Variants in LGI1 observed in about 807,000 individuals in gnomAD.
The protein encoded by LGI1 is leucine rich glioma inactivated 1.
In LGI1, 11 loss-of-function variants were observed where a neutral mutation model predicts 57.7. That is an observed-to-expected ratio of 0.19 (90% CI 0.12 to 0.32). LGI1 has a LOEUF of 0.32. Among genes scored for constraint, LGI1 ranks in the 10% least tolerant of loss-of-function variants. The pLI is 1.00. For synonymous variants in LGI1, 222 were observed against 241.9 expected (o/e 0.92, Z 0.76); for missense variants, 422 against 661.9 (o/e 0.64, Z 3.98).
At chr10:93,765,873 G>A (rs148242705) in intron 2 of LGI1, among the ~76,000 whole-genome samples, 3,542 of 151,450 alleles carry the variant, frequency 0.023, 138 homozygotes, top group African/African-American at 0.08. Context: ...GGGAGGCTGA[G>A]GCAGGAGAAT....
In LGI1 at chr10:93,758,199, A is replaced by G. The variant is rs2059584229; in HGVS notation, c.55A>G (p.Ile19Val). 1.2e-6 allele frequency: 2 copies of G among 1,614,202 alleles called. No individual in the cohort carries two copies. Among genetic ancestry groups the G allele is most frequent in the Non-Finnish European group, 1.7e-6 (2 of 1,180,016 alleles). ...MGNACIPLKR[I>V]AYFLCLLSAL... ...AAATGCCTGCATTCCCCTGAAAAGAATTGCTTATTTCCTATGTCTCTTATC... is the reference window on the plus strand; with the variant it reads ...AAATGCCTGCATTCCCCTGAAAAGAGTTGCTTATTTCCTATGTCTCTTATC... The change falls in exon 1 of 8, where the codon ATT becomes GTT. Residue 19 changes from isoleucine to valine, a missense_variant. Physicochemically the swap from Ile to Val is conservative, Grantham distance 29 (BLOSUM62 3). Coordinates refer to ENST00000371418, the MANE Select transcript of LGI1 (RefSeq NM_005097.4). This position sits in a 1 kb window ranked among gnomAD's most constrained non-coding sequence, Gnocchi z 4.7.
intron 7 of LGI1, chr10:93,794,019 C>CTTTTTTTTTTT (rs5787082): frequency 2.8e-4 from 25 of 87,826 alleles, no homozygotes; most frequent in East Asian, 1.3e-3. Flanking sequence ...CTTTTTTTTT[C>CTTTTTTTTTTT]TTTTTTTTTT....
intron 7 of LGI1, among the ~76,000 whole-genome samples, chr10:93,795,979 C>G (rs1231136787): frequency 2.6e-5 from 4 of 152,234 alleles, no homozygotes; most frequent in African/African-American, 9.6e-5. Flanking sequence ...TCAGAAGAGG[C>G]CTAAAGCCCA....
At chr10:93,769,291 T>A (rs1329564223) in intron 2 of LGI1, 21 of 152,254 alleles carry the variant, frequency 1.4e-4, no homozygotes, top group Admixed American at 1.4e-3. Flanking sequence ...TCCTGTGCTC[T>A]TTCATTTACA....
In LGI1 at chr10:93,797,885, T is replaced by C. The variant is rs2134027356; in HGVS notation, c.*82T>C. On this transcript the variant is annotated 3_prime_UTR_variant, in exon 8 of 8. Coordinates refer to ENST00000371418, the MANE Select transcript of LGI1 (RefSeq NM_005097.4). This position sits in a 1 kb window ranked among gnomAD's most constrained non-coding sequence, Gnocchi z 6.5. ...ACTCAATGCATGATGACTCTTCTTA[T>C]CACACTTGCAAATGAATGCCTTTCA... The C allele has an allele frequency of 1.0e-6, 1 of 953,652 alleles. No individual in the cohort carries two copies. The highest frequency in any genetic ancestry group is 1.7e-6 in the Non-Finnish European group (1 of 592,952). The allele number at this position is 953,652 out of a possible 1,614,324, so 59.1% of individuals were successfully genotyped here.
chr10:93,793,050 C>T, intron 6 of LGI1, 136 bp from the exon 7 acceptor site: 2 of 1,146,124 alleles, frequency 1.7e-6, no homozygotes, highest in South Asian at 1.4e-5. Flanking sequence ...GAACCATTGA[C>T]AATGCTTCAT....
At chr10:93,788,093 G>A (rs934265972) in intron 4 of LGI1, among the ~76,000 whole-genome samples, 5 of 152,180 alleles carry the variant, frequency 3.3e-5, no homozygotes, top group Non-Finnish European at 7.3e-5. Context: ...ACCAGCTTCA[G>A]AGGAAGGGAC....
chr10:93,767,974 A>C (rs1016143739), intron 2 of LGI1: 3 of 152,212 alleles, frequency 2.0e-5, no homozygotes, highest in Admixed American at 1.3e-4. Context: ...ATTTTGTAGG[A>C]AGCTCAATGA....
At chr10:93,790,051 T>C in intron 4 of LGI1, 48 bp from the exon 5 acceptor site, 3 of 1,539,262 alleles carry the variant, frequency 1.9e-6, no homozygotes, top group Non-Finnish European at 2.6e-6. Flanking sequence ...AATGCCTTTG[T>C]TTAATTTATC....
At chr10:93,781,872 G>A (rs1031519084) in intron 4 of LGI1, among the ~76,000 whole-genome samples, 2 of 152,062 alleles carry the variant, frequency 1.3e-5, no homozygotes, top group East Asian at 3.8e-4. Context: ...ATAAATATTT[G>A]GAGAAAATTA....
At chr10:93,781,221 T>G (rs564547809) in intron 4 of LGI1, among the ~76,000 whole-genome samples, 1 of 151,562 alleles carries the variant, frequency 6.6e-6, no homozygotes, top group Non-Finnish European at 1.5e-5. Flanking sequence ...TAGCCGGGCG[T>G]GGTGGTGGGC....
intron 2 of LGI1, among the ~76,000 whole-genome samples, chr10:93,773,866 G>A (rs990489190): frequency 5.3e-5 from 8 of 152,116 alleles, no homozygotes; most frequent in East Asian, 1.9e-4. Flanking sequence ...GGCAAATTCC[G>A]CACAACCTCT....
chr10:93,775,366 G>C (rs2059783764), intron 2 of LGI1, among the ~76,000 whole-genome samples: 1 of 152,088 alleles, frequency 6.6e-6, no homozygotes, highest in African/African-American at 2.4e-5. Flanking sequence ...TTCATCCTTA[G>C]TTTTGCATAT....
chr10:93,768,279 C>T (rs185335742), intron 2 of LGI1: 2 of 152,334 alleles, frequency 1.3e-5, no homozygotes, highest in East Asian at 3.9e-4. Context: ...CTCATGGCCA[C>T]TCACCAGTCC....
At chr10:93,772,105 GA>G (rs2059747959) in intron 2 of LGI1, 1 of 151,916 alleles carries the variant, frequency 6.6e-6, no homozygotes, top group Non-Finnish European at 1.5e-5. Flanking sequence ...TAATCAGTAG[GA>G]AAAAACTTTT....
At chr10:93,785,547 C>A (rs2059888315) in intron 4 of LGI1, among the ~76,000 whole-genome samples, 1 of 152,162 alleles carries the variant, frequency 6.6e-6, no homozygotes, top group Non-Finnish European at 1.5e-5. Context: ...GGCACTTAAA[C>A]CACTATACTC....
rs1213334219 is a variant in LGI1 at position 93,798,000 on chromosome 10, A to G, written c.*197A>G. ...TGTGGGAAGTTACCTTTTATAAGACAAAATTTAATTGTGTAACTGTTCTTT... is the reference window on the plus strand; with the variant it reads ...TGTGGGAAGTTACCTTTTATAAGACGAAATTTAATTGTGTAACTGTTCTTT... On this transcript the variant is annotated 3_prime_UTR_variant, in exon 8 of 8. Transcript: ENST00000371418. The surrounding 1 kb of genome is among the most constrained non-coding windows in gnomAD (Gnocchi z 6.5). 1 of 612,226 alleles carries G rather than the reference A, an allele frequency of 1.6e-6. No individual in the cohort carries two copies. Among genetic ancestry groups the G allele is most frequent in the Non-Finnish European group, 2.9e-6 (1 of 343,080 alleles). The allele number at this position is 612,226 out of a possible 1,614,324, so 37.9% of individuals were successfully genotyped here.
At chr10:93,792,642 C>A in intron 5 of LGI1, 101 bp from the exon 6 acceptor site, 1 of 1,250,106 alleles carries the variant, frequency 8.0e-7, no homozygotes, top group Non-Finnish European at 1.2e-6. Flanking sequence ...GGATGCAACG[C>A]CGGGTAAGGT....
intron 4 of LGI1, among the ~76,000 whole-genome samples, chr10:93,778,399 ACACACACACACT>A (rs2059815007): frequency 6.6e-6 from 1 of 151,708 alleles, no homozygotes; most frequent in Non-Finnish European, 1.5e-5. Context: ...ACATGTGCAT[ACACACACACACT>A]CACACACACA....
Sources: gnomAD v4.1 joint callset for allele counts (sites outside exome capture counted in the v4.1 genomes callset) on GRCh38, gnomAD v4.1.1 for gene constraint, Gnocchi (gnomAD v3.1) non-coding constraint, MANE v1.5 for transcripts, NCBI Gene and HGNC (gene_info 2026-07-23, HGNC 2026-07-21) for gene names.